Variants in KCNIP1 observed in about 807,000 individuals in gnomAD.
KCNIP1 encodes the protein potassium voltage-gated channel interacting protein 1, also known as A-type potassium channel modulatory protein KCNIP1.
Under a neutral mutation model 33.0 loss-of-function variants are expected in KCNIP1, and 18 were observed. The ratio of observed to expected loss-of-function variants is 0.55; its 90% CI spans 0.38 to 0.81. KCNIP1 has a LOEUF of 0.81. Among genes scored for constraint, KCNIP1 ranks in the 30% least tolerant of loss-of-function variants. KCNIP1 has a pLI of 0.00. For missense variants in KCNIP1, 238 were observed against 271.6 expected (o/e 0.88, Z 0.87); for synonymous variants, 93 against 98.3 (o/e 0.95, Z 0.32).
intron 1 of KCNIP1, among the ~76,000 whole-genome samples, chr5:170,701,801 G>A (rs530413307): frequency 1.3e-5 from 2 of 152,192 alleles, no homozygotes; most frequent in East Asian, 1.9e-4. Flanking sequence ...CCTTTTTCCT[G>A]TTGTTGGCAA....
intron 1 of KCNIP1, among the ~76,000 whole-genome samples, chr5:170,571,828 A>C (rs913376243): frequency 6.6e-6 from 1 of 152,204 alleles, no homozygotes; most frequent in African/African-American, 2.4e-5. Flanking sequence ...AAGTGAGCAG[A>C]GCTGGCCCTT....
At chr5:170,531,867 A>G (rs1755802109) in intron 1 of KCNIP1, among the ~76,000 whole-genome samples, 2 of 145,390 alleles carry the variant, frequency 1.4e-5, no homozygotes. Flanking sequence ...CCTGTCCTCT[A>G]GAATCCTCTA....
intron 1 of KCNIP1, among the ~76,000 whole-genome samples, chr5:170,652,910 C>T (rs1761107539): frequency 6.6e-6 from 1 of 152,244 alleles, no homozygotes; most frequent in South Asian, 2.1e-4. Flanking sequence ...ATACCCCCAC[C>T]TTGCCCCTGC....
At chr5:170,626,926 C>T (rs1370321205) in intron 1 of KCNIP1, among the ~76,000 whole-genome samples, 5 of 152,186 alleles carry the variant, frequency 3.3e-5, no homozygotes, top group Admixed American at 6.5e-5. Context: ...GGCTCTCTTG[C>T]GGCTGAGCTG....
At chr5:170,596,629 G>C (rs1353947483) in intron 1 of KCNIP1, among the ~76,000 whole-genome samples, 5 of 152,228 alleles carry the variant, frequency 3.3e-5, no homozygotes, top group Non-Finnish European at 7.3e-5. Flanking sequence ...CAAACCACTG[G>C]GGGCCAGTGC....
chr5:170,415,737 G>GTT (rs1178005460), intron 1 of KCNIP1, among the ~76,000 whole-genome samples: 1 of 152,176 alleles, frequency 6.6e-6, no homozygotes, highest in Admixed American at 6.5e-5. Flanking sequence ...CGCCACAGGA[G>GTT]TTTTTTCTAT....
chr5:170,562,599 C>T lies in KCNIP1; in HGVS notation c.61+57966C>T, dbSNP rs189603833. On this transcript the variant is annotated intron_variant, in intron 1 of 7. Transcript: ENST00000328939. ...TGCATTTATTTTGCAAAAGCCTTTC[C>T]CAAAGCCTGGCATCCAATGGGTGCC... Among the ~76,000 whole-genome samples the T allele has an allele frequency of 1.2e-4, 19 of 152,320 alleles. No homozygotes were observed. In the East Asian group the frequency reaches 2.1e-3, roughly 17 times the overall value.
chr5:170,594,469 C>T (rs1243925148), intron 1 of KCNIP1, among the ~76,000 whole-genome samples: 1 of 152,142 alleles, frequency 6.6e-6, no homozygotes, highest in Non-Finnish European at 1.5e-5. Flanking sequence ...CAACTACTCC[C>T]AGTGTGGGGC....
At chr5:170,612,776 T>C (rs1759217866) in intron 1 of KCNIP1, among the ~76,000 whole-genome samples, 1 of 152,184 alleles carries the variant, frequency 6.6e-6, no homozygotes, top group South Asian at 2.1e-4. Flanking sequence ...ATTTGACCCA[T>C]GCTGTATCTT....
intron 1 of KCNIP1, among the ~76,000 whole-genome samples, chr5:170,428,739 A>G (rs894807041): frequency 6.6e-6 from 1 of 151,992 alleles, no homozygotes; most frequent in Non-Finnish European, 1.5e-5. Flanking sequence ...TTTATGGGGG[A>G]GGAAAATATT....
At chr5:170,725,537 T>C (rs931912051) in intron 5 of KCNIP1, among the ~76,000 whole-genome samples, 3 of 151,926 alleles carry the variant, frequency 2.0e-5, no homozygotes, top group African/African-American at 7.3e-5. Flanking sequence ...AGGGGGGCTG[T>C]GGGGGAAGTT....
chr5:170,642,030 G>A (rs374734748), intron 1 of KCNIP1: 1 of 152,388 alleles, frequency 6.6e-6, no homozygotes, highest in East Asian at 1.9e-4. Flanking sequence ...TCAGCCAGCG[G>A]GAACCAGGTT....
intron 1 of KCNIP1, among the ~76,000 whole-genome samples, chr5:170,608,194 C>G (rs1759007156): frequency 6.6e-6 from 1 of 152,170 alleles, no homozygotes; most frequent in Non-Finnish European, 1.5e-5. Context: ...GAAAAGACCC[C>G]TTTTGTCTGC....
chr5:170,680,269 G>C (rs1762292578), intron 1 of KCNIP1, among the ~76,000 whole-genome samples: 1 of 152,088 alleles, frequency 6.6e-6, no homozygotes, highest in African/African-American at 2.4e-5. Context: ...TTCCCCACCA[G>C]GCTCACTGCT....
chr5:170,633,706 G>A (rs1304728753), intron 1 of KCNIP1, among the ~76,000 whole-genome samples: 1 of 42,634 alleles, frequency 2.3e-5, no homozygotes, highest in South Asian at 1.7e-3. Flanking sequence ...AGGAGGGGGC[G>A]AGGGGGCGGG....
chr5:170,537,879 C>G (rs1388383533), intron 1 of KCNIP1, among the ~76,000 whole-genome samples: 2 of 152,222 alleles, frequency 1.3e-5, no homozygotes, highest in Admixed American at 1.3e-4. Context: ...CACGGCCTTC[C>G]AATTCCCCAA....
chr5:170,417,737 GA>G (rs1193889171), intron 1 of KCNIP1, among the ~76,000 whole-genome samples: 1 of 152,276 alleles, frequency 6.6e-6, no homozygotes, highest in Non-Finnish European at 1.5e-5. Flanking sequence ...CCTTGATCAT[GA>G]GTCAAATCAC....
At chr5:170,554,818 G>A (rs538124376) in intron 1 of KCNIP1, among the ~76,000 whole-genome samples, 8 of 151,706 alleles carry the variant, frequency 5.3e-5, no homozygotes, top group Admixed American at 1.3e-4. Context: ...TCCCCTTCTC[G>A]TCACCACCCC....
intron 1 of KCNIP1, among the ~76,000 whole-genome samples, chr5:170,549,949 T>C (rs1466613599): frequency 6.6e-6 from 1 of 152,204 alleles, no homozygotes; most frequent in Non-Finnish European, 1.5e-5. Context: ...AACAAATATT[T>C]GCTGAAAGTC....
Sources: allele counts gnomAD v4.1 joint callset (sites outside exome capture counted in the v4.1 genomes callset), GRCh38; gene constraint gnomAD v4.1.1; transcripts MANE v1.5; gene names NCBI Gene and HGNC (gene_info 2026-07-23, HGNC 2026-07-21).